The following MEF2A variants were observed in gnomAD, a reference collection of about 807,000 sequenced individuals.
MEF2A encodes myocyte-specific enhancer factor 2A.
A neutral mutation model predicts 55.8 loss-of-function variants in MEF2A; 28 were observed. That is an observed-to-expected ratio of 0.50 (90% confidence interval 0.37 to 0.69). The LOEUF (loss-of-function observed/expected upper bound fraction) is 0.69, where lower values mean the gene tolerates loss of function less well. MEF2A is among the 30% of genes least tolerant of loss of function. The pLI is 0.00. For synonymous variants in MEF2A, 239 were observed against 227.1 expected (o/e 1.05, Z -0.47); for missense variants, 528 against 626.2 (o/e 0.84, Z 1.67).
At position 99,601,807 on chromosome 15, in the gene MEF2A, T is replaced by TTGTGTG. The variant is rs56729766; in HGVS notation, c.-143+3342_-143+3347dup. ...CATTGGATTGTAGTTTTTGTCTGTT[T>TTGTGTG]TGTGTGTGTGTGTGTGTGTGTGTGT... is the stretch of plus-strand genomic sequence containing the variant. On this transcript the variant is annotated intron_variant, in intron 2 of 11. Transcript: ENST00000557942. 5.8e-5 allele frequency among the ~76,000 whole-genome samples: 8 copies of TTGTGTG among 138,822 alleles called. 1 individual carries two copies. Among genetic ancestry groups the TTGTGTG allele is most frequent in the African/African-American group, 2.2e-4 (8 of 36,622 alleles). 91.1% of individuals were successfully genotyped at this position (138,822 alleles called of 152,430 possible). A position where few individuals can be genotyped will look rare whatever the true frequency, so the allele number is the denominator to read the frequency against.
intron 8 of MEF2A, 153 bp downstream of exon 8, chr15:99,690,581 G>A (rs1371194072): frequency 1.4e-5 from 11 of 790,262 alleles, no homozygotes; most frequent in Non-Finnish European, 2.1e-5. Flanking sequence ...GAAGAGACAA[G>A]TCTATTTCAA....
At chr15:99,606,397 C>T (rs770845074) in intron 2 of MEF2A, among the ~76,000 whole-genome samples, 6 of 151,774 alleles carry the variant, frequency 4.0e-5, no homozygotes, top group Non-Finnish European at 8.8e-5. Flanking sequence ...TTTTGACTAC[C>T]TTAAAATTAA....
intron 8 of MEF2A, among the ~76,000 whole-genome samples, chr15:99,696,769 G>T (rs1218924827): frequency 1.3e-5 from 2 of 151,782 alleles, no homozygotes; most frequent in African/African-American, 2.4e-5. Context: ...GTCTCTTTCA[G>T]AAAAAATTAG....
chr15:99,674,237 C>G (rs143243984), intron 5 of MEF2A, among the ~76,000 whole-genome samples, 156 bp from the exon 6 acceptor site: 3 of 152,294 alleles, frequency 2.0e-5, no homozygotes, highest in South Asian at 2.1e-4. Context: ...AAACATAATT[C>G]TAAAGAAAAT....
chr15:99,694,984 T>G (rs957828827), intron 8 of MEF2A, among the ~76,000 whole-genome samples: 341 of 6,536 alleles, frequency 0.052, no homozygotes, highest in Admixed American at 0.26. Context: ...TTTTGTGGGT[T>G]TTTTTTTTTT....
chr15:99,582,543 GCTTGT>G (rs1196213744), intron 1 of MEF2A, among the ~76,000 whole-genome samples: 2 of 151,946 alleles, frequency 1.3e-5, no homozygotes, highest in Non-Finnish European at 2.9e-5. Flanking sequence ...AGGCTTTTCT[GCTTGT>G]CTTATTTCTT....
chr15:99,677,738 A>G (rs1176505014), intron 7 of MEF2A, among the ~76,000 whole-genome samples: 1 of 152,228 alleles, frequency 6.6e-6, no homozygotes, highest in Non-Finnish European at 1.5e-5. Context: ...TCAACGTGGA[A>G]TACAGATAAT....
intron 3 of MEF2A, among the ~76,000 whole-genome samples, chr15:99,642,074 T>C (rs1234205702): frequency 1.3e-5 from 2 of 152,186 alleles, no homozygotes; most frequent in African/African-American, 4.8e-5. Flanking sequence ...TTTTTTTATG[T>C]TTGAAAATGT....
chr15:99,623,529 G>A (rs1428342304), intron 2 of MEF2A, among the ~76,000 whole-genome samples: 1 of 152,186 alleles, frequency 6.6e-6, no homozygotes, highest in African/African-American at 2.4e-5. Flanking sequence ...CAGTGCACAA[G>A]TGTTCCAGTT....
At chr15:99,580,288 G>T (rs999129155) in intron 1 of MEF2A, among the ~76,000 whole-genome samples, 2 of 152,088 alleles carry the variant, frequency 1.3e-5, no homozygotes, top group African/African-American at 2.4e-5. Flanking sequence ...TTTGTCTTCA[G>T]GCTGTGCTGT....
At chr15:99,627,074 A>G (rs529724830) in intron 2 of MEF2A, among the ~76,000 whole-genome samples, 1 of 152,204 alleles carries the variant, frequency 6.6e-6, no homozygotes, top group African/African-American at 2.4e-5. Context: ...GCTACATGGA[A>G]GCTGGTCTTC....
intron 2 of MEF2A, among the ~76,000 whole-genome samples, chr15:99,625,282 G>A (rs2153340162): frequency 6.6e-6 from 1 of 152,198 alleles, no homozygotes; most frequent in African/African-American, 2.4e-5. Flanking sequence ...TGGTTTGTGT[G>A]TTGATTTTGT....
intron 8 of MEF2A, among the ~76,000 whole-genome samples, chr15:99,694,200 G>A (rs1048519135): frequency 6.6e-6 from 1 of 152,132 alleles, no homozygotes; most frequent in East Asian, 1.9e-4. Flanking sequence ...TACTAGTCAG[G>A]TATTTTTATA....
At chr15:99,605,999 T>C (rs563313336) in intron 2 of MEF2A, among the ~76,000 whole-genome samples, 2 of 152,116 alleles carry the variant, frequency 1.3e-5, no homozygotes, top group South Asian at 4.2e-4. Flanking sequence ...AAGATCAGAG[T>C]GGAAGAACTT....
intron 7 of MEF2A, among the ~76,000 whole-genome samples, chr15:99,687,134 G>A (rs996308114): frequency 3.5e-5 from 3 of 84,990 alleles, no homozygotes; most frequent in Non-Finnish European, 6.5e-5. Context: ...TCACCATGTT[G>A]CCCAGGCTGG....
At chr15:99,619,937 G>T (rs150324652) in intron 2 of MEF2A, among the ~76,000 whole-genome samples, 7 of 152,148 alleles carry the variant, frequency 4.6e-5, no homozygotes, top group Non-Finnish European at 8.8e-5. Flanking sequence ...ACTGGAAATT[G>T]CACAAGATAG....
intron 2 of MEF2A, among the ~76,000 whole-genome samples, chr15:99,605,066 C>T (rs985321520): frequency 6.6e-5 from 10 of 152,192 alleles, no homozygotes; most frequent in African/African-American, 2.4e-5. Context: ...TTGCCTCATC[C>T]TCCCAAGCAG....
At position 99,675,744 on chromosome 15, in the gene MEF2A, C is replaced by T. The variant is rs537493170; in HGVS notation, c.670+286C>T. Among the ~76,000 whole-genome samples the T allele has an allele frequency of 1.1e-4, 17 of 152,214 alleles. No homozygotes were observed. The South Asian group carries it at 2.9e-3, about 26-fold the overall frequency. ...CTTCTACAGATAGAAAGATAATTAA[C>T]ATATTTGTCTTGGCCGGGCGTCGTG... On this transcript the variant is annotated intron_variant, in intron 7 of 11. Transcript: ENST00000557942.
At chr15:99,645,964 G>C (rs2045899724) in intron 4 of MEF2A, 200 bp downstream of exon 4, 2 of 429,040 alleles carry the variant, frequency 4.7e-6, no homozygotes, top group South Asian at 5.7e-5. Context: ...TTCAGACAAA[G>C]TAAACTATGT....
Sources: gnomAD v4.1 joint callset for allele counts (sites outside exome capture counted in the v4.1 genomes callset) on GRCh38, gnomAD v4.1.1 for gene constraint, MANE v1.5 for transcripts, NCBI Gene and HGNC (gene_info 2026-07-23, HGNC 2026-07-21) for gene names.